Variants in PRC1 observed in about 807,000 individuals in gnomAD.
PRC1 encodes the protein protein regulator of cytokinesis 1, also known as anaphase spindle elongation 1 homolog.
In PRC1, 54 loss-of-function variants were observed where a neutral mutation model predicts 91.2. That is an observed-to-expected ratio of 0.59 (90% CI 0.48 to 0.74). The LOEUF (loss-of-function observed/expected upper bound fraction) is 0.74, where lower values mean the gene tolerates loss of function less well. Among genes scored for constraint, PRC1 ranks in the 30% least tolerant of loss-of-function variants. The probability of loss-of-function intolerance (pLI) is 0.00; values close to 1 mark genes in which losing one functional copy is unlikely to be tolerated. For synonymous variants in PRC1, 275 were observed against 263.6 expected (o/e 1.04, Z -0.42); for missense variants, 727 against 746.2 (o/e 0.97, Z 0.30).
intron 12 of PRC1, among the ~76,000 whole-genome samples, chr15:90,969,829 T>A (rs1191297145): frequency 7.0e-6 from 1 of 143,242 alleles, no homozygotes; most frequent in Non-Finnish European, 1.5e-5. Context: ...ATGCCTATAA[T>A]CCCAACACTT....
intron 1 of PRC1, among the ~76,000 whole-genome samples, chr15:90,985,418 T>C (rs767702011): frequency 1.1e-4 from 16 of 150,320 alleles, no homozygotes; most frequent in East Asian, 2.0e-4. Flanking sequence ...TTTAGTAGAG[T>C]TGGGGTTTCG....
chr15:90,985,937 C>T (rs1788911685), intron 1 of PRC1: 1 of 152,218 alleles, frequency 6.6e-6, no homozygotes, highest in South Asian at 2.1e-4. Context: ...ATCCACCTGC[C>T]TCGGCCTCCC....
chr15:90,986,993 G>T (rs151281927), intron 1 of PRC1, among the ~76,000 whole-genome samples: 1 of 151,670 alleles, frequency 6.6e-6, no homozygotes, highest in Non-Finnish European at 1.5e-5. Context: ...GGCAAAACTG[G>T]CCAGGCACGG....
intron 11 of PRC1, among the ~76,000 whole-genome samples, chr15:90,972,125 G>T (rs1015963297): frequency 7.0e-6 from 1 of 142,680 alleles, no homozygotes; most frequent in Non-Finnish European, 1.5e-5. Flanking sequence ...AGGATCACTT[G>T]AGCTCAGGAG....
At position 90,966,341 on chromosome 15, in the gene PRC1, C is replaced by A. The variant is rs565325389; in HGVS notation, c.*790G>T. Reference sequence around the variant, plus strand: ...ACATGTGCAAAGTTCCAGATCTCCACGACAAAGACAGCTCAACCCATTGGA... The same window carrying A: ...ACATGTGCAAAGTTCCAGATCTCCAAGACAAAGACAGCTCAACCCATTGGA... On this transcript the variant is annotated 3_prime_UTR_variant, in exon 15 of 15. Transcript: ENST00000394249. 15 of 293,262 alleles carry A rather than the reference C, an allele frequency of 5.1e-5. No homozygotes were observed. Among genetic ancestry groups the A allele is most frequent in the South Asian group, 1.7e-4 (6 of 35,526 alleles). 18.2% of individuals were successfully genotyped at this position (293,262 alleles called of 1,614,324 possible).
intron 14 of PRC1, chr15:90,968,526 C>T: frequency 1.0e-6 from 1 of 989,694 alleles, no homozygotes. Context: ...GAGTAGGATA[C>T]TAGGAAGTGA....
intron 12 of PRC1, among the ~76,000 whole-genome samples, chr15:90,970,172 A>C (rs1267104939): frequency 6.6e-6 from 1 of 152,126 alleles, no homozygotes; most frequent in Non-Finnish European, 1.5e-5. Context: ...TTTCCCAGAC[A>C]CATCCCAGTG....
At chr15:90,968,000 A>T in intron 14 of PRC1, 1 of 985,164 alleles carries the variant, frequency 1.0e-6, no homozygotes, top group Non-Finnish European at 1.2e-6. Flanking sequence ...AGCACATGGT[A>T]GAGCAGCAAA....
chr15:90,972,179 GA>G (rs2038195889), intron 11 of PRC1, among the ~76,000 whole-genome samples: 2 of 63,380 alleles, frequency 3.2e-5, no homozygotes, highest in South Asian at 1.3e-3. Flanking sequence ...CATCTCTACT[GA>G]AACTCAAAAA....
Position 90,979,262 on chromosome 15 carries a change from C to T in PRC1, c.1003G>A (p.Asp335Asn), listed in dbSNP as rs774436902. 5.6e-6 allele frequency: 9 copies of T among 1,614,174 alleles called. No individual in the cohort carries two copies. The highest frequency in any genetic ancestry group is 2.5e-6 in the Non-Finnish European group (3 of 1,180,032). Residue 335 changes from aspartate to asparagine, a missense_variant, in exon 8 of 15, where the codon GAT becomes AAT. Coordinates refer to ENST00000394249, the MANE Select transcript of PRC1 (RefSeq NM_003981.4). ...TTTTTTAACCGCACAATCTCAGCAT[C>T]GTGGAGCTGGAGCAGACTTTCTGTG... The part of the protein sequence containing the change: ...DYTESLLQLH[D>N]AEIVRLKNYY...
chr15:90,977,887 G>A (rs1335746549), intron 8 of PRC1, among the ~76,000 whole-genome samples: 1 of 152,020 alleles, frequency 6.6e-6, no homozygotes, highest in Non-Finnish European at 1.5e-5. Flanking sequence ...CACACACCTG[G>A]CCTCCTTATT....
rs2038722526 is a variant in PRC1, at chr15:90,976,603, A to G, written c.1203+73T>C. 3 of 1,246,514 alleles carry G rather than the reference A, an allele frequency of 2.4e-6. No homozygotes were observed. In the Admixed American group the frequency reaches 6.1e-5, roughly 25 times the overall value. 77.2% of individuals were successfully genotyped at this position (1,246,514 alleles called of 1,614,324 possible). ...GAAAATAGTTTTGGGGCTAAACAAT[A>G]GAAAGAAAAAGACATACAAATAGTG... is the stretch of plus-strand genomic sequence containing the variant. On this transcript the variant is annotated intron_variant, in intron 9 of 14. Transcript: ENST00000394249.
In PRC1 at chr15:90,994,488, C is replaced by T. The variant is rs1007466975; in HGVS notation, c.-71G>A. 1.3e-6 allele frequency: 2 copies of T among 1,541,568 alleles called. No homozygotes were observed. The highest frequency in any genetic ancestry group is 1.2e-5 in the South Asian group (1 of 85,180). ...ACACGGCCCCGAGAGCAACAACCAC[C>T]CGCAAACACCGGCGATGTCACTCCG... is the stretch of plus-strand genomic sequence containing the variant. On this transcript the variant is annotated 5_prime_UTR_variant, in exon 1 of 15. Transcript: ENST00000394249.
At chr15:90,993,194 C>T (rs1428252723) in intron 1 of PRC1, among the ~76,000 whole-genome samples, 4 of 143,252 alleles carry the variant, frequency 2.8e-5, no homozygotes, top group Non-Finnish European at 6.0e-5. Flanking sequence ...CTACATAATT[C>T]ATAAACTGTT....
intron 1 of PRC1, 44 bp downstream of exon 1, chr15:90,994,363 C>T: frequency 6.2e-7 from 1 of 1,611,922 alleles, no homozygotes; most frequent in East Asian, 2.2e-5. Context: ...CCGAAACGAG[C>T]GTCGCTCCCT....
chr15:90,974,803 TAG>T lies in PRC1; in HGVS notation c.1204-74_1204-73del. The T allele has an allele frequency of 1.3e-6, 2 of 1,557,090 alleles. No individual in the cohort carries two copies. The highest frequency in any genetic ancestry group is 1.8e-6 in the Non-Finnish European group (2 of 1,134,454). ...CAAAGCCCAAATGAAATGATTTCCC[TAG>T]AGAGTGACTCCTCCTCCCCAGAGCA... On this transcript the variant is annotated intron_variant, in intron 9 of 14. Coordinates refer to ENST00000394249, the MANE Select transcript of PRC1 (RefSeq NM_003981.4). This position sits in a 1 kb window ranked among gnomAD's most constrained non-coding sequence, Gnocchi z 4.6.
In PRC1 at chr15:90,969,362, A is replaced by G. The variant is rs540291630; in HGVS notation, c.1749+85T>C. ...CTCCAAGGTAGCTGCCCTAGCTAAT[A>G]GCCTGGGTGCCCCTGGGAAGATACC... On this transcript the variant is annotated intron_variant, in intron 13 of 14. Coordinates refer to ENST00000394249, the MANE Select transcript of PRC1 (RefSeq NM_003981.4). The G allele has an allele frequency of 1.2e-5, 18 of 1,475,516 alleles. No homozygotes were observed. The African/African-American group carries it at 2.5e-4, about 21-fold the overall frequency. The allele number at this position is 1,475,516 out of a possible 1,614,324, so 91.4% of individuals were successfully genotyped here. A position where few individuals can be genotyped will look rare whatever the true frequency, so the allele number is the denominator to read the frequency against.
At position 90,969,678 on chromosome 15, in the gene PRC1, C is replaced by G. The variant is rs987453076; in HGVS notation, c.1573-55G>C. ...CATCCTTCTAATGAACGTGCACACG[C>G]ACACACAATACCTGCACTGGTCAAA... On this transcript the variant is annotated intron_variant, in intron 12 of 14. Transcript: ENST00000394249. The G allele has an allele frequency of 3.8e-5, 58 of 1,507,054 alleles. No individual in the cohort carries two copies. The East Asian group carries it at 8.0e-4, about 21-fold the overall frequency. 93.4% of individuals were successfully genotyped at this position (1,507,054 alleles called of 1,614,324 possible).
chr15:90,978,714 T>A (rs1273652266), intron 8 of PRC1, among the ~76,000 whole-genome samples: 1 of 134,690 alleles, frequency 7.4e-6, no homozygotes, highest in African/African-American at 2.9e-5. Context: ...GATCGCACCA[T>A]TGCACTCCAG....
Sources: allele counts gnomAD v4.1 joint callset (sites outside exome capture counted in the v4.1 genomes callset), GRCh38; gene constraint gnomAD v4.1.1; non-coding constraint Gnocchi (gnomAD v3.1); transcripts MANE v1.5; gene names NCBI Gene and HGNC (gene_info 2026-07-23, HGNC 2026-07-21).